The following APBB2 variants were observed in gnomAD, a reference collection of about 807,000 sequenced individuals.
APBB2 encodes the protein Fe65-like 1.
APBB2 carries 38 observed loss-of-function variants against 82.5 expected under a neutral mutation model. The ratio of observed to expected loss-of-function variants is 0.46; its 90% CI spans 0.36 to 0.60. APBB2 has a LOEUF of 0.60. Among genes scored for constraint, APBB2 ranks in the 20% least tolerant of loss-of-function variants. The pLI is 0.00. For synonymous variants in APBB2, 341 were observed against 368.2 expected, an observed-to-expected ratio of 0.93 and a Z score of 0.85; for missense variants, 772 against 972.3, an observed-to-expected ratio of 0.79 and a Z score of 2.74.
chr4:41,155,755 C>G (rs1349905638), intron 1 of APBB2, among the ~76,000 whole-genome samples: 1 of 152,068 alleles, frequency 6.6e-6, no homozygotes, highest in East Asian at 1.9e-4. Context: ...TTTAAACCAA[C>G]TCAAAGCAAA....
chr4:40,992,383 G>C (rs1400485288), intron 6 of APBB2, among the ~76,000 whole-genome samples: 1 of 146,366 alleles, frequency 6.8e-6, no homozygotes, highest in African/African-American at 2.5e-5. Context: ...TTTCTATGTT[G>C]CCCATGCTGG....
rs946669250 is a variant in APBB2 at position 40,814,821 on chromosome 4, A to T, written c.*1271T>A. On this transcript the variant is annotated 3_prime_UTR_variant, in exon 18 of 18. Coordinates refer to ENST00000508593, the MANE Select transcript of APBB2 (RefSeq NM_004307.2). ...AAAATGCTGTTTTGGGAAACTTGTT[A>T]AACAGTCCATTACTCCTGTGTAGAC... The T allele has an allele frequency of 6.6e-6, 1 of 152,232 alleles. No homozygotes were observed. Among genetic ancestry groups the T allele is most frequent in the Non-Finnish European group, 1.5e-5 (1 of 68,042 alleles). The allele number at this position is 152,232 out of a possible 1,614,324, so 9.4% of individuals were successfully genotyped here.
chr4:41,110,634 T>A (rs1292011789), intron 2 of APBB2, among the ~76,000 whole-genome samples: 1 of 151,362 alleles, frequency 6.6e-6, no homozygotes, highest in Admixed American at 6.6e-5. Flanking sequence ...CTCATTTTTA[T>A]CCTTATCATG....
intron 6 of APBB2, among the ~76,000 whole-genome samples, chr4:40,999,647 AT>A (rs1038047121): frequency 6.6e-6 from 1 of 152,118 alleles, no homozygotes; most frequent in Non-Finnish European, 1.5e-5. Context: ...GAAAATTAGA[AT>A]TTTTAAAATG....
intron 6 of APBB2, among the ~76,000 whole-genome samples, chr4:40,946,175 T>C (rs111521864): frequency 0.042 from 5,861 of 140,970 alleles, 358 homozygotes; most frequent in African/African-American, 0.14. Flanking sequence ...GAGGTTGCAG[T>C]GAGCTGAGAT....
At chr4:40,836,180 T>C (rs1753871350) in intron 12 of APBB2, among the ~76,000 whole-genome samples, 6 of 151,736 alleles carry the variant, frequency 4.0e-5, no homozygotes, top group Admixed American at 3.3e-4. Context: ...GTGTGGAGCA[T>C]GAAAAGACAA....
chr4:41,038,454 G>A (rs1224002728), intron 4 of APBB2, among the ~76,000 whole-genome samples: 2 of 152,110 alleles, frequency 1.3e-5, no homozygotes, highest in Non-Finnish European at 2.9e-5. Flanking sequence ...GTCCTGCACA[G>A]TCCCATAACT....
At chr4:40,847,809 T>C (rs1758131997) in intron 12 of APBB2, among the ~76,000 whole-genome samples, 1 of 140,424 alleles carries the variant, frequency 7.1e-6, no homozygotes, top group South Asian at 2.3e-4. Context: ...TTTTGCTTGC[T>C]TTTTTTTTTT....
intron 1 of APBB2, among the ~76,000 whole-genome samples, chr4:41,214,173 G>A (rs11936454): frequency 0.15 from 22,604 of 152,170 alleles, 1,888 homozygotes; most frequent in Non-Finnish European, 0.17. Flanking sequence ...CAGGGCGCAC[G>A]GGACTCCGCA....
chr4:41,207,198 C>CAAA (rs368548129), intron 1 of APBB2, among the ~76,000 whole-genome samples: 6 of 67,344 alleles, frequency 8.9e-5, no homozygotes, highest in Non-Finnish European at 1.2e-4. Context: ...GACTCCGTCT[C>CAAA]AAAAAAAAAA....
chr4:41,103,406 C>A (rs551152434), intron 2 of APBB2, among the ~76,000 whole-genome samples: 3 of 152,150 alleles, frequency 2.0e-5, no homozygotes, highest in Non-Finnish European at 1.5e-5. Flanking sequence ...TCTAAATTTT[C>A]TTTTAAAGAG....
At chr4:41,006,503 G>C (rs1013575040) in intron 6 of APBB2, among the ~76,000 whole-genome samples, 1 of 151,994 alleles carries the variant, frequency 6.6e-6, no homozygotes, top group African/African-American at 2.4e-5. Context: ...TCGCTGTGTT[G>C]TCCAGGCTGG....
intron 17 of APBB2, among the ~76,000 whole-genome samples, chr4:40,817,420 GA>G (rs1032001469): frequency 6.7e-6 from 1 of 150,186 alleles, no homozygotes; most frequent in African/African-American, 2.5e-5. Flanking sequence ...AATAAATAAT[GA>G]AAAAAAAATA....
At chr4:41,140,368 A>T (rs1282954665) in intron 2 of APBB2, among the ~76,000 whole-genome samples, 2 of 152,240 alleles carry the variant, frequency 1.3e-5, no homozygotes, top group Non-Finnish European at 2.9e-5. Flanking sequence ...AAAGCAAGTA[A>T]TTGAATTAAA....
At chr4:40,969,621 C>A (rs1446879941) in intron 6 of APBB2, among the ~76,000 whole-genome samples, 1 of 152,080 alleles carries the variant, frequency 6.6e-6, no homozygotes, top group Admixed American at 6.5e-5. Flanking sequence ...ATTTTGCTAT[C>A]AATATAAATC....
intron 6 of APBB2, among the ~76,000 whole-genome samples, chr4:40,979,190 T>C (rs1018685642): frequency 3.3e-5 from 5 of 152,346 alleles, no homozygotes; most frequent in East Asian, 1.9e-4. Context: ...AGCTGTATAA[T>C]AGAATCTGTA....
intron 17 of APBB2, among the ~76,000 whole-genome samples, chr4:40,820,052 C>T (rs1004827726): frequency 6.6e-6 from 1 of 152,186 alleles, no homozygotes; most frequent in South Asian, 2.1e-4. Flanking sequence ...GTGTCTCCCC[C>T]ACTATACCTG....
At chr4:40,863,729 C>T (rs77759725) in intron 12 of APBB2, among the ~76,000 whole-genome samples, 73 of 151,394 alleles carry the variant, frequency 4.8e-4, no homozygotes, top group African/African-American at 1.5e-3. Context: ...CCTGTTTCTA[C>T]GAAAAATGCA....
rs181187844 is a variant in APBB2, at chr4:40,944,802, T to C, written c.1044+63A>G. 6.3e-4 allele frequency: 968 copies of C among 1,539,116 alleles called. 1 individual carries two copies. The highest frequency in any genetic ancestry group is 7.8e-4 in the Non-Finnish European group (875 of 1,115,130). On this transcript the variant is annotated intron_variant, in intron 7 of 17. Coordinates refer to ENST00000508593, the MANE Select transcript of APBB2 (RefSeq NM_004307.2). ...GACCTGTTGGGGCAGAAGCAACCAG[T>C]GTAAAGAGAAACCACAAGTTACATC...
Sources: gnomAD v4.1 joint callset for allele counts (sites outside exome capture counted in the v4.1 genomes callset) on GRCh38, gnomAD v4.1.1 for gene constraint, MANE v1.5 for transcripts, NCBI Gene and HGNC (gene_info 2026-07-23, HGNC 2026-07-21) for gene names.